Variants in SMG7 observed in about 807,000 individuals in gnomAD.
SMG7 encodes SMG7 nonsense mediated mRNA decay factor, also known as nonsense-mediated mRNA decay factor SMG7.
A neutral mutation model predicts 148.2 loss-of-function variants in SMG7; 34 were observed. The ratio of observed to expected loss-of-function variants is 0.23; its 90% confidence interval spans 0.17 to 0.31. The LOEUF is 0.31. Among genes scored for constraint, SMG7 ranks in the 10% least tolerant of loss-of-function variants. SMG7 has a pLI of 1.00. For missense variants in SMG7, 1,114 were observed against 1,408.4 expected (o/e 0.79, Z 3.35); for synonymous variants, 492 against 515.1 (o/e 0.96, Z 0.61).
intron 1 of SMG7, among the ~76,000 whole-genome samples, chr1:183,477,484 A>ATGTGTGTGTATATGTGTATATATG (rs1557935114): frequency 1.4e-5 from 2 of 143,296 alleles, no homozygotes. Context: ...GCATATATAC[A>ATGTGTGTGTATATGTGTATATATG]CGTGTGTGCA....
At chr1:183,540,001 A>AAG (rs1484991719) in intron 12 of SMG7, among the ~76,000 whole-genome samples, 7 of 152,172 alleles carry the variant, frequency 4.6e-5, no homozygotes, top group African/African-American at 1.7e-4. Context: ...CTTGATGCTC[A>AAG]AGTTCCAGCA....
At chr1:183,531,262 T>G (rs1319233088) in intron 8 of SMG7, among the ~76,000 whole-genome samples, 2 of 152,164 alleles carry the variant, frequency 1.3e-5, no homozygotes, top group African/African-American at 4.8e-5. Context: ...TTTACCAAGT[T>G]GAGGTCCACT....
chr1:183,538,510 T>G (rs1668195426), intron 12 of SMG7, 70 bp downstream of exon 12: 8 of 1,077,254 alleles, frequency 7.4e-6, no homozygotes, highest in Non-Finnish European at 1.0e-5. Flanking sequence ...AGAATTGGGC[T>G]TGGATGTAGA....
At chr1:183,541,948 C>A in intron 13 of SMG7, 128 bp from the exon 14 acceptor site, 1 of 756,298 alleles carries the variant, frequency 1.3e-6, no homozygotes, top group Non-Finnish European at 2.1e-6. Flanking sequence ...CCTGAATCCA[C>A]ATTGTTATAT....
At position 183,544,945 on chromosome 1, in the gene SMG7, C is replaced by A; in HGVS notation, c.2003C>A (p.Thr668Lys). ...LPSRPGFPPP[T>K]YVIPPPVAFS... ...TGTTTTGAAGGGTTTCCGCCCCCAA[C>A]ATATGTTATCCCCCCGCCTGTGGCA... Residue 668 changes from threonine (T) to lysine (K), a missense_variant, in exon 16 of 23, where the codon ACA (threonine) becomes AAA (lysine). Physicochemically the swap from Thr to Lys is moderately conservative, Grantham distance 78. Around this residue, in one of 4 missense-constraint regions of SMG7, gnomAD observed 788 missense variants for 894.5 expected, o/e 0.88. Transcript: ENST00000688051. The A allele has an allele frequency of 6.2e-7, 1 of 1,613,502 alleles. No individual in the cohort carries two copies. The highest frequency in any genetic ancestry group is 8.5e-7 in the Non-Finnish European group (1 of 1,179,594).
chr1:183,553,404 G>T lies in SMG7; in HGVS notation c.*1473G>T. Reference sequence around the variant, plus strand: ...CTCTCCTTTGTGTGTCTGTATGTTTGTGTACACACACGTGCCCATCTGCTG... The same window carrying T: ...CTCTCCTTTGTGTGTCTGTATGTTTTTGTACACACACGTGCCCATCTGCTG... On this transcript the variant is annotated 3_prime_UTR_variant, in exon 23 of 23. Coordinates refer to ENST00000688051, the MANE Select transcript of SMG7 (RefSeq NM_001375584.1). 3.4e-6 allele frequency: 2 copies of T among 585,894 alleles called. No individual in the cohort carries two copies. The highest frequency in any genetic ancestry group is 5.9e-6 in the Non-Finnish European group (2 of 338,332). The allele number at this position is 585,894 out of a possible 1,614,324, so 36.3% of individuals were successfully genotyped here.
chr1:183,499,715 C>G (rs1212933564), intron 1 of SMG7, among the ~76,000 whole-genome samples: 2 of 152,152 alleles, frequency 1.3e-5, no homozygotes, highest in African/African-American at 4.8e-5. Context: ...ATATTAACTC[C>G]TTGTACTTTG....
At chr1:183,551,735 T>G in intron 22 of SMG7, 83 bp from the exon 23 acceptor site, 1 of 1,109,000 alleles carries the variant, frequency 9.0e-7, no homozygotes, top group East Asian at 2.8e-5. Flanking sequence ...TATATATGCC[T>G]TTATATTTGG....
chr1:183,474,788 T>C (rs975709023), intron 1 of SMG7, among the ~76,000 whole-genome samples: 4 of 152,204 alleles, frequency 2.6e-5, no homozygotes, highest in Non-Finnish European at 5.9e-5. Flanking sequence ...TTTACAGAGC[T>C]TACACTTTGT....
At chr1:183,473,093 C>T (rs567306740) in intron 1 of SMG7, 84 of 188,184 alleles carry the variant, frequency 4.5e-4, no homozygotes, top group African/African-American at 1.8e-3. Context: ...AGTCTGCACA[C>T]CTGGGGTGTT....
rs1191539225 is a variant in SMG7 at position 183,541,090 on chromosome 1, G to A, written c.1402G>A (p.Asp468Asn). The change falls in exon 13 of 23, where the codon GAT becomes AAT. Residue 468 changes from aspartate to asparagine, a missense_variant. Asp to Asn is a conservative substitution (Grantham distance 23). Around this residue, in one of 4 missense-constraint regions of SMG7, gnomAD observed 788 missense variants for 894.5 expected, o/e 0.88. Transcript: ENST00000688051. Reference sequence around the variant, plus strand: ...GATCTCTATAGGCAAATGGATTGCTGATAATCAGCCAAGGTAAGTCTGGAA... The same window carrying A: ...GATCTCTATAGGCAAATGGATTGCTAATAATCAGCCAAGGTAAGTCTGGAA... ...RLISIGKWIA[D>N]NQPRLIQCEN... is the part of the protein sequence containing the mutation. 3.7e-6 allele frequency: 6 copies of A among 1,613,370 alleles called. No homozygotes were observed. In the Admixed American group the frequency reaches 8.3e-5, roughly 22 times the overall value.
chr1:183,482,649 T>G (rs1654458733), intron 1 of SMG7, among the ~76,000 whole-genome samples: 1 of 152,174 alleles, frequency 6.6e-6, no homozygotes, highest in Non-Finnish European at 1.5e-5. Context: ...TATTATAGCT[T>G]ATGTCATAAT....
chr1:183,526,867 A>T (rs1572000553), intron 5 of SMG7, 100 bp downstream of exon 5: 1 of 898,642 alleles, frequency 1.1e-6, no homozygotes, highest in East Asian at 2.8e-5. Context: ...ATACACACAC[A>T]ATTTAGATTG....
chr1:183,539,621 A>G (rs1431438611), intron 12 of SMG7, among the ~76,000 whole-genome samples: 1 of 152,088 alleles, frequency 6.6e-6, no homozygotes, highest in South Asian at 2.1e-4. Context: ...CTGAGCTTAT[A>G]TTTTCCGATT....
At chr1:183,502,648 T>A (rs1659995969) in intron 1 of SMG7, among the ~76,000 whole-genome samples, 1 of 152,210 alleles carries the variant, frequency 6.6e-6, no homozygotes, top group African/African-American at 2.4e-5. Flanking sequence ...AGTAAATTTT[T>A]AAAAATTTTG....
intron 1 of SMG7, among the ~76,000 whole-genome samples, chr1:183,498,390 G>T (rs1031374679): frequency 6.6e-6 from 1 of 152,138 alleles, no homozygotes; most frequent in Admixed American, 6.5e-5. Context: ...TTAGCCATCT[G>T]TGGTGGCACG....
chr1:183,502,812 G>A (rs1341703715), intron 1 of SMG7, among the ~76,000 whole-genome samples: 1 of 152,160 alleles, frequency 6.6e-6, no homozygotes, highest in Non-Finnish European at 1.5e-5. Flanking sequence ...TGTCAGCGTG[G>A]ATGCAATCAA....
In SMG7 at chr1:183,533,153, T is replaced by G; in HGVS notation, c.844-11T>G. 2 of 1,612,096 alleles carry G rather than the reference T, an allele frequency of 1.2e-6. No homozygotes were observed. The highest frequency in any genetic ancestry group is 1.7e-6 in the Non-Finnish European group (2 of 1,178,710). On this transcript the variant is annotated splice_polypyrimidine_tract_variant and intron_variant, in intron 8 of 22. Transcript: ENST00000688051. ...TGATAATATATGCAGTACGTCTGTC[T>G]TCTTTTACAGAGGCTGCTATTCCAA...
chr1:183,480,478 C>T (rs192397716), intron 1 of SMG7, among the ~76,000 whole-genome samples: 1 of 152,154 alleles, frequency 6.6e-6, no homozygotes, highest in East Asian at 1.9e-4. Flanking sequence ...AATTCATTTA[C>T]TGATTGTTTT....
Sources: gnomAD v4.1 joint callset for allele counts (sites outside exome capture counted in the v4.1 genomes callset) on GRCh38, gnomAD v4.1.1 for gene constraint, gnomAD v4.1.1 regional missense constraint, MANE v1.5 for transcripts, NCBI Gene and HGNC (gene_info 2026-07-23, HGNC 2026-07-21) for gene names.